The following BICRAL variants were observed in gnomAD, a reference collection of about 807,000 sequenced individuals.
The protein encoded by BICRAL is BRD4-interacting chromatin-remodeling complex-associated protein-like.
Under a neutral mutation model 91.8 loss-of-function variants are expected in BICRAL, and 8 were observed. The observed-to-expected ratio is 0.09, with a 90% CI of 0.05 to 0.16. The LOEUF (loss-of-function observed/expected upper bound fraction) is 0.16. Ranked by LOEUF, BICRAL falls within the 10% of genes least tolerant of loss-of-function variation. The probability of loss-of-function intolerance (pLI) is 1.00; values close to 1 mark genes in which losing one functional copy is unlikely to be tolerated. For missense variants in BICRAL, 1,038 were observed against 1,310.9 expected, an observed-to-expected ratio of 0.79 and a Z score of 3.21; for synonymous variants, 445 against 491.1, an observed-to-expected ratio of 0.91 and a Z score of 1.24.
chr6:42,786,625 A>T (rs549762892), intron 1 of BICRAL, among the ~76,000 whole-genome samples: 1 of 152,328 alleles, frequency 6.6e-6, no homozygotes, highest in South Asian at 2.1e-4. Context: ...ATAATGACAG[A>T]TTAAGAAAAA....
At chr6:42,839,803 C>T (rs1477515868) in intron 6 of BICRAL, among the ~76,000 whole-genome samples, 1 of 152,076 alleles carries the variant, frequency 6.6e-6, no homozygotes, top group Admixed American at 6.6e-5. Flanking sequence ...TGAGCTGGCT[C>T]CTATACTTTT....
At chr6:42,769,428 C>T (rs2113841547) in intron 1 of BICRAL, among the ~76,000 whole-genome samples, 1 of 152,330 alleles carries the variant, frequency 6.6e-6, no homozygotes, top group Middle Eastern at 3.4e-3. Flanking sequence ...TCACCCAAAC[C>T]AACCCTGGTA....
At chr6:42,862,679 G>A in intron 12 of BICRAL, 67 bp downstream of exon 12, 1 of 953,808 alleles carries the variant, frequency 1.0e-6, no homozygotes, top group Non-Finnish European at 1.7e-6. Context: ...GGGGCCTTTG[G>A]CAGTCTGTCT....
intron 6 of BICRAL, among the ~76,000 whole-genome samples, chr6:42,849,941 G>A (rs750083604): frequency 6.6e-6 from 1 of 152,074 alleles, no homozygotes; most frequent in Non-Finnish European, 1.5e-5. Flanking sequence ...GGAGGCTGAA[G>A]CAAGAGAATC....
chr6:42,761,857 C>T (rs921166347), intron 1 of BICRAL, among the ~76,000 whole-genome samples: 5 of 151,480 alleles, frequency 3.3e-5, no homozygotes, highest in Admixed American at 2.0e-4. Context: ...GAGGCTTCAG[C>T]GAGCCATGAT....
chr6:42,774,691 A>G (rs1244865723), intron 1 of BICRAL, among the ~76,000 whole-genome samples: 1 of 152,202 alleles, frequency 6.6e-6, no homozygotes, highest in East Asian at 1.9e-4. Flanking sequence ...AAATGGAACT[A>G]GTAATTGGAA....
intron 6 of BICRAL, among the ~76,000 whole-genome samples, chr6:42,847,489 G>A (rs941778758): frequency 3.3e-5 from 5 of 151,938 alleles, no homozygotes; most frequent in African/African-American, 1.2e-4. Context: ...TAAAAGTATT[G>A]ATTTTTGGCC....
chr6:42,789,851 T>A (rs934395378), intron 1 of BICRAL, among the ~76,000 whole-genome samples: 1 of 152,192 alleles, frequency 6.6e-6, no homozygotes, highest in Non-Finnish European at 1.5e-5. Context: ...ATTACATTAT[T>A]TGCTCCCATG....
At chr6:42,807,126 C>A (rs535907249) in intron 1 of BICRAL, among the ~76,000 whole-genome samples, 4 of 152,278 alleles carry the variant, frequency 2.6e-5, no homozygotes, top group African/African-American at 9.6e-5. Context: ...CCACCATGCC[C>A]AGCCATTCAT....
upstream of BICRAL, among the ~76,000 whole-genome samples, chr6:42,777,861 C>T (rs1470652602): frequency 6.6e-6 from 1 of 151,970 alleles, no homozygotes; most frequent in East Asian, 1.9e-4. Flanking sequence ...TTTTATTGTA[C>T]ATAATTAAAT....
At chr6:42,837,032 C>T (rs1455899998) in intron 6 of BICRAL, among the ~76,000 whole-genome samples, 2 of 151,950 alleles carry the variant, frequency 1.3e-5, no homozygotes, top group Non-Finnish European at 2.9e-5. Flanking sequence ...GCAAGCTCCG[C>T]CTCCCAGGTT....
At chr6:42,827,849 C>T (rs1159723830) in intron 5 of BICRAL, among the ~76,000 whole-genome samples, 1 of 152,214 alleles carries the variant, frequency 6.6e-6, no homozygotes, top group Non-Finnish European at 1.5e-5. Context: ...TGGGCCACTG[C>T]ACTCCAGCCT....
At chr6:42,767,590 C>T (rs754567743) in intron 1 of BICRAL, among the ~76,000 whole-genome samples, 6 of 152,172 alleles carry the variant, frequency 3.9e-5, no homozygotes, top group Non-Finnish European at 5.9e-5. Context: ...ATGGTAAAGA[C>T]GCAAGAAATG....
chr6:42,792,003 G>C (rs929556932), intron 1 of BICRAL, among the ~76,000 whole-genome samples: 1 of 152,096 alleles, frequency 6.6e-6, no homozygotes, highest in African/African-American at 2.4e-5. Flanking sequence ...CTGTATTTGT[G>C]TATCAACATA....
At chr6:42,824,602 C>T (rs115442614) in intron 5 of BICRAL, among the ~76,000 whole-genome samples, 1,910 of 152,278 alleles carry the variant, frequency 0.013, 39 homozygotes, top group African/African-American at 0.044. Context: ...CCATTACAGG[C>T]GTGAGCCACT....
chr6:42,773,921 A>C (rs1242098632), intron 1 of BICRAL, among the ~76,000 whole-genome samples: 2 of 152,202 alleles, frequency 1.3e-5, no homozygotes, highest in Non-Finnish European at 2.9e-5. Context: ...AGAAGAATAA[A>C]TGGTTCAGGG....
chr6:42,764,095 A>G (rs890005964), intron 1 of BICRAL, among the ~76,000 whole-genome samples: 1 of 151,460 alleles, frequency 6.6e-6, no homozygotes, highest in African/African-American at 2.4e-5. Context: ...TACAAAAATT[A>G]GCCGGGTGTG....
At chr6:42,846,624 T>C (rs574015557) in intron 6 of BICRAL, among the ~76,000 whole-genome samples, 71 of 152,248 alleles carry the variant, frequency 4.7e-4, no homozygotes, top group Non-Finnish European at 9.3e-4. Context: ...GGGGTAGTCT[T>C]CTGGGCGGCA....
intron 5 of BICRAL, among the ~76,000 whole-genome samples, chr6:42,824,243 A>T (rs149244374): frequency 1.5e-5 from 2 of 130,264 alleles, no homozygotes; most frequent in South Asian, 2.8e-4. Context: ...AAAATAAAAA[A>T]AATAAAAATA....
Sources: gnomAD v4.1 joint callset for allele counts (sites outside exome capture counted in the v4.1 genomes callset) on GRCh38, gnomAD v4.1.1 for gene constraint, MANE v1.5 for transcripts, NCBI Gene and HGNC (gene_info 2026-07-23, HGNC 2026-07-21) for gene names.